The following TNRC6C variants were observed in gnomAD, a reference collection of about 807,000 sequenced individuals.
TNRC6C encodes the protein trinucleotide repeat containing adaptor 6C, also known as trinucleotide repeat-containing gene 6C protein.
TNRC6C carries 20 observed loss-of-function variants against 153.7 expected under a neutral mutation model. That is an observed-to-expected ratio of 0.13 (90% confidence interval 0.09 to 0.19). The LOEUF (loss-of-function observed/expected upper bound fraction) is 0.19. Ranked by LOEUF, TNRC6C falls within the 10% of genes least tolerant of loss-of-function variation. The pLI is 1.00. For synonymous variants in TNRC6C, 811 were observed against 841.4 expected, an observed-to-expected ratio of 0.96 and a Z score of 0.63; for missense variants, 1,987 against 2,172.0, an observed-to-expected ratio of 0.91 and a Z score of 1.69.
At chr17:78,048,130 T>C (rs2072446280) in intron 2 of TNRC6C, among the ~76,000 whole-genome samples, 1 of 151,726 alleles carries the variant, frequency 6.6e-6, no homozygotes, top group Non-Finnish European at 1.5e-5. Context: ...TTTTCTTCTT[T>C]TAGTGATGTC....
intron 13 of TNRC6C, among the ~76,000 whole-genome samples, chr17:78,090,724 A>G (rs986715391): frequency 1.3e-5 from 2 of 152,192 alleles, no homozygotes; most frequent in Non-Finnish European, 2.9e-5. Context: ...ATGAGCCCAG[A>G]AGCCTCAGCT....
intron 1 of TNRC6C, among the ~76,000 whole-genome samples, chr17:77,960,004 C>G (rs1042313123): frequency 6.6e-6 from 1 of 152,044 alleles, no homozygotes; most frequent in Non-Finnish European, 1.5e-5. Context: ...GCATGTTACA[C>G]GGAGCTTTGG....
At chr17:78,037,779 C>T (rs1049743561) in intron 2 of TNRC6C, among the ~76,000 whole-genome samples, 1 of 152,206 alleles carries the variant, frequency 6.6e-6, no homozygotes, top group Non-Finnish European at 1.5e-5. Context: ...ATTTAAAGCT[C>T]TTCCTCCAAG....
At chr17:78,054,407 CACTACTATACACCACTGCAG>C (rs1293115045) in intron 3 of TNRC6C, among the ~76,000 whole-genome samples, 10 of 151,188 alleles carry the variant, frequency 6.6e-5, no homozygotes, top group African/African-American at 2.2e-4. Flanking sequence ...GAGTACTGTG[CACTACTATACACCACTGCAG>C]ACTACTGTAA....
intron 3 of TNRC6C, among the ~76,000 whole-genome samples, chr17:78,056,135 C>T (rs1391301561): frequency 6.6e-6 from 1 of 151,858 alleles, no homozygotes; most frequent in Admixed American, 6.6e-5. Context: ...TAGGTGTGAG[C>T]CACCATGCCT....
At chr17:78,071,695 G>A (rs962235081) in intron 6 of TNRC6C, among the ~76,000 whole-genome samples, 3 of 152,118 alleles carry the variant, frequency 2.0e-5, no homozygotes, top group African/African-American at 7.2e-5. Flanking sequence ...GCCGGAAAAT[G>A]CTGTGTGATT....
chr17:78,040,005 G>C (rs1360861893), intron 2 of TNRC6C, among the ~76,000 whole-genome samples: 4 of 152,238 alleles, frequency 2.6e-5, no homozygotes, highest in Non-Finnish European at 5.9e-5. Flanking sequence ...TGGTGGAAGG[G>C]CTTCTGCAAG....
At chr17:78,090,705 CTA>C (rs2073378180) in intron 13 of TNRC6C, among the ~76,000 whole-genome samples, 1 of 152,198 alleles carries the variant, frequency 6.6e-6, no homozygotes, top group African/African-American at 2.4e-5. Flanking sequence ...CTGCTTTTAG[CTA>C]TAAGGAATGA....
chr17:78,099,400 A>T (rs769637428), intron 17 of TNRC6C, among the ~76,000 whole-genome samples: 9 of 152,208 alleles, frequency 5.9e-5, no homozygotes, highest in African/African-American at 9.7e-5. Context: ...AAAGAATGAG[A>T]TTTATTGGAC....
chr17:77,987,476 A>G (rs1243084853), intron 1 of TNRC6C, among the ~76,000 whole-genome samples: 2 of 152,196 alleles, frequency 1.3e-5, no homozygotes, highest in Admixed American at 1.3e-4. Flanking sequence ...GTTTCTGGAA[A>G]TCTCTCCTAA....
At chr17:78,005,040 C>G (rs1394192580), upstream of TNRC6C, 24 of 1,207,938 alleles carry the variant, frequency 2.0e-5, no homozygotes, top group Non-Finnish European at 2.4e-5. Context: ...TTCTTTCTCT[C>G]TCTTTTTTTT....
chr17:77,968,762 C>T (rs2070918611), intron 1 of TNRC6C, among the ~76,000 whole-genome samples: 1 of 152,178 alleles, frequency 6.6e-6, no homozygotes, highest in Non-Finnish European at 1.5e-5. Flanking sequence ...TTGTGATTTT[C>T]CAACTAAATC....
intron 1 of TNRC6C, among the ~76,000 whole-genome samples, chr17:78,023,762 T>A (rs2071880831): frequency 6.6e-6 from 1 of 151,408 alleles, no homozygotes; most frequent in Admixed American, 6.6e-5. Context: ...GCTGTGATCA[T>A]GCCACTACAC....
At chr17:78,088,404 T>C (rs2073334706) in intron 13 of TNRC6C, among the ~76,000 whole-genome samples, 1 of 147,584 alleles carries the variant, frequency 6.8e-6, no homozygotes, top group Admixed American at 6.8e-5. Flanking sequence ...TTTTTCTTTC[T>C]TTTTTTTTTG....
At position 78,077,099 on chromosome 17, in the gene TNRC6C, G is replaced by A. The variant is rs866574122; in HGVS notation, c.3061-86G>A. 52 of 1,411,540 alleles carry A rather than the reference G, an allele frequency of 3.7e-5. No homozygotes were observed. In the Middle Eastern group the frequency reaches 2.6e-3, roughly 70 times the overall value. The allele number at this position is 1,411,540 out of a possible 1,614,324, so 87.4% of individuals were successfully genotyped here. ...ATCTGTTAATTATTTATCCATCCACGCCTCCTCTGTTTCCTTGGGAAACTG... is the reference window on the plus strand; with the variant it reads ...ATCTGTTAATTATTTATCCATCCACACCTCCTCTGTTTCCTTGGGAAACTG... On this transcript the variant is annotated intron_variant, in intron 8 of 19. Coordinates refer to ENST00000301624, the Ensembl canonical transcript of TNRC6C.
At chr17:78,077,018 C>G in intron 8 of TNRC6C, 167 bp from the exon 11 acceptor site, 1 of 714,196 alleles carries the variant, frequency 1.4e-6, no homozygotes, top group Non-Finnish European at 2.2e-6. Flanking sequence ...ATTTCTTTTT[C>G]TTTTTCCCCT....
chr17:77,977,401 T>C (rs1172238670), intron 1 of TNRC6C, among the ~76,000 whole-genome samples: 1 of 152,208 alleles, frequency 6.6e-6, no homozygotes, highest in Non-Finnish European at 1.5e-5. Context: ...GTATCTTTGC[T>C]AGACCCCTAA....
intron 7 of TNRC6C, among the ~76,000 whole-genome samples, chr17:78,074,844 A>G (rs902238415): frequency 6.6e-6 from 1 of 152,246 alleles, no homozygotes; most frequent in African/African-American, 2.4e-5. Context: ...GAGGGCCAGC[A>G]GTGGCTGGTG....
chr17:77,961,604 C>T (rs996372762), intron 1 of TNRC6C, among the ~76,000 whole-genome samples: 3 of 152,102 alleles, frequency 2.0e-5, no homozygotes, highest in African/African-American at 7.2e-5. Flanking sequence ...TTTAGATTTT[C>T]GTCCTTCGTG....
Sources: gnomAD v4.1 joint callset for allele counts (sites outside exome capture counted in the v4.1 genomes callset) on GRCh38, gnomAD v4.1.1 for gene constraint, MANE v1.5 for transcripts, NCBI Gene and HGNC (gene_info 2026-07-23, HGNC 2026-07-21) for gene names.